Variants in FSTL5 observed in about 807,000 individuals in gnomAD.
The protein encoded by FSTL5 is follistatin like 5.
In FSTL5, 62 loss-of-function variants were observed where a neutral mutation model predicts 89.1. That is an observed-to-expected ratio of 0.70 (90% CI 0.57 to 0.86). FSTL5 has a LOEUF of 0.86. FSTL5 is among the 40% of genes least tolerant of loss of function. FSTL5 has a pLI of 0.00. For missense variants in FSTL5, 1,057 were observed against 1,001.6 expected (o/e 1.06, Z -0.75); for synonymous variants, 383 against 346.2 (o/e 1.11, Z -1.18).
At chr4:161,921,347 T>C (rs1733990681) in intron 3 of FSTL5, among the ~76,000 whole-genome samples, 1 of 152,184 alleles carries the variant, frequency 6.6e-6, no homozygotes, top group Admixed American at 6.5e-5. Context: ...TTTAGTCTAA[T>C]AAACTCAATT....
chr4:161,452,430 C>T (rs1204369522), intron 15 of FSTL5, among the ~76,000 whole-genome samples: 2 of 151,264 alleles, frequency 1.3e-5, no homozygotes, highest in Admixed American at 6.6e-5. Flanking sequence ...GAGCTGAGAT[C>T]GTGCCAATGT....
At chr4:161,902,664 G>A (rs1287232444) in intron 4 of FSTL5, among the ~76,000 whole-genome samples, 3 of 151,984 alleles carry the variant, frequency 2.0e-5, no homozygotes, top group Admixed American at 1.3e-4. Flanking sequence ...TGGCTAACAC[G>A]GCAAAACCCT....
Position 161,732,643 on chromosome 4 carries a change from A to T in FSTL5, c.727+26768T>A, listed in dbSNP as rs144017767. On this transcript the variant is annotated intron_variant, in intron 6 of 15. Coordinates refer to ENST00000306100, the MANE Select transcript of FSTL5 (RefSeq NM_020116.5). ...TGTTTTAGTTCTTAAATTTAGTTTT[A>T]TAATTTCCTTCGACTTACTTTTAGT... Among the ~76,000 whole-genome samples, 602 of 152,152 alleles carry T rather than the reference A, an allele frequency of 4.0e-3. 5 individuals carry two copies. Among genetic ancestry groups the T allele is most frequent in the African/African-American group, 0.014 (574 of 41,574 alleles).
intron 4 of FSTL5, among the ~76,000 whole-genome samples, chr4:161,785,176 A>G (rs1450312605): frequency 6.6e-6 from 1 of 152,178 alleles, no homozygotes; most frequent in African/African-American, 2.4e-5. Flanking sequence ...TGGTAAGCAC[A>G]TATCTCAAAA....
At chr4:161,577,760 G>T (rs1733280795) in intron 8 of FSTL5, among the ~76,000 whole-genome samples, 1 of 152,084 alleles carries the variant, frequency 6.6e-6, no homozygotes, top group African/African-American at 2.4e-5. Context: ...AAAATTTTAT[G>T]ACTACGGAAA....
At chr4:162,115,430 C>A (rs1057431860) in intron 1 of FSTL5, among the ~76,000 whole-genome samples, 1 of 152,176 alleles carries the variant, frequency 6.6e-6, no homozygotes, top group Non-Finnish European at 1.5e-5. Context: ...CCACCATAAA[C>A]AGTGTCGTAA....
intron 12 of FSTL5, among the ~76,000 whole-genome samples, chr4:161,483,990 A>G (rs1307304066): frequency 6.6e-6 from 1 of 152,108 alleles, no homozygotes; most frequent in Non-Finnish European, 1.5e-5. Context: ...TTAATCACAT[A>G]TTTCCTACAT....
intron 2 of FSTL5, among the ~76,000 whole-genome samples, chr4:162,048,280 T>C (rs907558481): frequency 9.2e-5 from 14 of 152,028 alleles, no homozygotes; most frequent in Non-Finnish European, 1.9e-4. Context: ...TGAGCGGCGA[T>C]GGTGTCACTG....
At chr4:161,908,776 A>G (rs1276611333) in intron 4 of FSTL5, among the ~76,000 whole-genome samples, 1 of 152,148 alleles carries the variant, frequency 6.6e-6, no homozygotes, top group African/African-American at 2.4e-5. Context: ...AAGTTTAACC[A>G]CAGCACAATG....
At chr4:161,865,448 T>A (rs1430874706) in intron 4 of FSTL5, among the ~76,000 whole-genome samples, 2 of 152,180 alleles carry the variant, frequency 1.3e-5, no homozygotes, top group African/African-American at 4.8e-5. Flanking sequence ...AATATAAACA[T>A]ACAATCAGTG....
intron 6 of FSTL5, among the ~76,000 whole-genome samples, chr4:161,710,773 T>C (rs1323345168): frequency 6.6e-6 from 1 of 152,198 alleles, no homozygotes; most frequent in Admixed American, 6.5e-5. Context: ...CAGTTATAAA[T>C]CTGAAGTATA....
chr4:162,096,097 G>A (rs1363159639), intron 2 of FSTL5, among the ~76,000 whole-genome samples: 1 of 151,838 alleles, frequency 6.6e-6, no homozygotes, highest in African/African-American at 2.4e-5. Flanking sequence ...AACTTCCAGT[G>A]ATGCTTTTGT....
In FSTL5 at chr4:162,064,135, C is replaced by T. The variant is rs900735482; in HGVS notation, c.127-30477G>A. ...GGTCTCCCCGAATAAATTTCTTCAGCAGTTTCTACTATGCTTGTATGCATT... is the reference window on the plus strand; with the variant it reads ...GGTCTCCCCGAATAAATTTCTTCAGTAGTTTCTACTATGCTTGTATGCATT... On this transcript the variant is annotated intron_variant, in intron 2 of 15. Transcript: ENST00000306100. Among the ~76,000 whole-genome samples the T allele has an allele frequency of 2.6e-5, 4 of 152,036 alleles. No homozygotes were observed. In the East Asian group the frequency reaches 7.8e-4, roughly 29 times the overall value.
At chr4:161,589,921 A>T (rs1733748464) in intron 7 of FSTL5, among the ~76,000 whole-genome samples, 1 of 151,904 alleles carries the variant, frequency 6.6e-6, no homozygotes, top group Non-Finnish European at 1.5e-5. Context: ...CAGAGTTGTG[A>T]ACTATATAGG....
intron 6 of FSTL5, among the ~76,000 whole-genome samples, chr4:161,666,496 C>A (rs1463916199): frequency 6.6e-6 from 1 of 152,134 alleles, no homozygotes; most frequent in African/African-American, 2.4e-5. Context: ...ATCTAGCAAA[C>A]TTTTCTGGTC....
At chr4:162,016,175 C>T (rs568449292) in intron 3 of FSTL5, among the ~76,000 whole-genome samples, 2 of 152,154 alleles carry the variant, frequency 1.3e-5, no homozygotes, top group African/African-American at 4.8e-5. Flanking sequence ...CATTCTCTAG[C>T]CTTATTTGCT....
intron 2 of FSTL5, among the ~76,000 whole-genome samples, chr4:162,086,162 CT>C (rs1730308822): frequency 6.6e-6 from 1 of 151,886 alleles, no homozygotes; most frequent in Non-Finnish European, 1.5e-5. Flanking sequence ...CTTGAAGTAT[CT>C]AATTTCTCCA....
rs865889865 is a variant in FSTL5, at chr4:161,794,270, T to C, written c.410-18196A>G. 1.2e-4 allele frequency among the ~76,000 whole-genome samples: 19 copies of C among 152,280 alleles called. 1 individual carries two copies. In the Middle Eastern group the frequency reaches 0.014, roughly 109 times the overall value. ...AGATGATTTATATGTACAGCCAAGA[T>C]ACAGACCCAGTTTCAGACTTTAAAT... On this transcript the variant is annotated intron_variant, in intron 4 of 15. Transcript: ENST00000306100.
At chr4:161,489,599 T>G (rs1208818008) in intron 12 of FSTL5, among the ~76,000 whole-genome samples, 1 of 152,146 alleles carries the variant, frequency 6.6e-6, no homozygotes, top group Non-Finnish European at 1.5e-5. Flanking sequence ...TTGAATTGTA[T>G]AGGAGCAGTG....
Sources: gnomAD v4.1 joint callset for allele counts (sites outside exome capture counted in the v4.1 genomes callset) on GRCh38, gnomAD v4.1.1 for gene constraint, MANE v1.5 for transcripts, NCBI Gene and HGNC (gene_info 2026-07-23, HGNC 2026-07-21) for gene names.